DCTN3: variants seen among roughly 807,000 people sequenced by gnomAD.
DCTN3 encodes dynactin 3 (p22).
Under a neutral mutation model 28.4 loss-of-function variants are expected in DCTN3, and 25 were observed. That is an observed-to-expected ratio of 0.88 (90% CI 0.64 to 1.23). The LOEUF (loss-of-function observed/expected upper bound fraction) is 1.23, where lower values mean the gene tolerates loss of function less well. Among genes scored for constraint, DCTN3 ranks in the 50% most tolerant of loss-of-function variants. The pLI, the probability that DCTN3 is intolerant of heterozygous loss-of-function variation, is 0.00. For missense variants in DCTN3, 229 were observed against 232.0 expected (o/e 0.99, Z 0.08); for synonymous variants, 81 against 91.4 (o/e 0.89, Z 0.65).
rs1473794141 is a variant in DCTN3, at chr9:34,618,683, G to A, written c.174C>T (p.Tyr58=). Residue 58 remains tyrosine (Y), a synonymous_variant, in exon 2 of 7, where the codon TAC becomes TAT. Coordinates refer to ENST00000259632, the MANE Select transcript of DCTN3 (RefSeq NM_007234.5). ...CATCATGGAAGCACTTACTCTTTTT[G>A]TAGAGAATCTTCACCCTCTCCCTCT... The part of the protein sequence containing the change: ...SSKRERVKIL[Y]KKIEDLIKYL... 11 of 1,613,674 alleles carry A rather than the reference G, an allele frequency of 6.8e-6. No individual in the cohort carries two copies. The highest frequency in any genetic ancestry group is 1.7e-5 in the Admixed American group (1 of 59,988).
chr9:34,618,786 C>T, intron 1 of DCTN3, 26 bp from the exon 2 acceptor site: 1 of 1,568,810 alleles, frequency 6.4e-7, no homozygotes, highest in Non-Finnish European at 8.8e-7. Context: ...TGGTTAATTC[C>T]AAGATATACT....
In DCTN3 at chr9:34,613,806, C is replaced by A. The variant is rs1802447; in HGVS notation, c.537G>T (p.Thr179=). The A allele has an allele frequency of 6.2e-6, 10 of 1,614,028 alleles. No homozygotes were observed. Among genetic ancestry groups the A allele is most frequent in the Non-Finnish European group, 7.6e-6 (9 of 1,179,946 alleles). Residue 179 remains threonine, a synonymous_variant, in exon 7 of 7, where the codon ACG becomes ACT. Transcript: ENST00000259632. The part of the protein sequence containing the change: ...DELLCQLEAA[T]QVKPAEE ...ATCACTCCTCTGCTGGCTTCACTTG[C>A]GTGGCGGCCTCTAGCTGGCAAAGTA...
Position 34,614,869 on chromosome 9 carries a change from G to A in DCTN3, c.353-101C>T, listed in dbSNP as rs535035323. 9.8e-4 allele frequency: 1,408 copies of A among 1,443,280 alleles called. 1 individual carries two copies. Among genetic ancestry groups the A allele is most frequent in the Non-Finnish European group, 1.2e-3 (1,290 of 1,043,608 alleles). 89.4% of individuals were successfully genotyped at this position (1,443,280 alleles called of 1,614,324 possible). On this transcript the variant is annotated intron_variant, in intron 4 of 6. Coordinates refer to ENST00000259632, the MANE Select transcript of DCTN3 (RefSeq NM_007234.5). ...TGGCAGGATTAGAGTATTGAGTGGAGAAGCTAAACAAACGCCAGACTTCAT... is the reference window on the plus strand; with the variant it reads ...TGGCAGGATTAGAGTATTGAGTGGAAAAGCTAAACAAACGCCAGACTTCAT...
intron 5 of DCTN3, 61 bp downstream of exon 5, chr9:34,614,649 G>T: frequency 6.3e-7 from 1 of 1,591,482 alleles, no homozygotes; most frequent in Non-Finnish European, 8.6e-7. Flanking sequence ...CAGGTGGCAT[G>T]AGTTGGGATG....
rs1820385943 is a variant in DCTN3, at chr9:34,614,790, G to A, written c.353-22C>T. Reference sequence around the variant, plus strand: ...ACGGCTGTAAAACACAACACACACTGCTGGATGATGCTTGTGCCCTCCCCC... The same window carrying A: ...ACGGCTGTAAAACACAACACACACTACTGGATGATGCTTGTGCCCTCCCCC... On this transcript the variant is annotated intron_variant, in intron 4 of 6. Transcript: ENST00000259632. 1.9e-6 allele frequency: 3 copies of A among 1,613,634 alleles called. No individual in the cohort carries two copies. In the East Asian group the frequency reaches 6.7e-5, roughly 36 times the overall value.
chr9:34,618,611 G>A (rs1261912015), intron 2 of DCTN3, 65 bp downstream of exon 2: 6 of 1,282,134 alleles, frequency 4.7e-6, no homozygotes, highest in Non-Finnish European at 6.8e-6. Flanking sequence ...GAAGGGCTAG[G>A]GCCAGGTACC....
In DCTN3 at chr9:34,614,036, G is replaced by A; in HGVS notation, c.471+6C>T. On this transcript the variant is annotated splice_donor_region_variant and intron_variant, in intron 6 of 6. Transcript: ENST00000259632. The stretch of plus-strand genomic sequence containing the variant: ...CATTAGGGTCCTAGTTGAGCAGAAA[G>A]GATACAGTCTTGTTGTATTCCTCCA... The A allele has an allele frequency of 6.2e-7, 1 of 1,608,278 alleles. No individual in the cohort carries two copies. The highest frequency in any genetic ancestry group is 1.1e-5 in the South Asian group (1 of 90,758).
At position 34,616,115 on chromosome 9, in the gene DCTN3, TA is replaced by T; in HGVS notation, c.269-3del. 1 of 1,613,644 alleles carries T rather than the reference TA, an allele frequency of 6.2e-7. No individual in the cohort carries two copies. The highest frequency in any genetic ancestry group is 1.7e-5 in the Admixed American group (1 of 59,996). ...CCTGGGAAAGGATAAACTGCTCCTCTAAAGCAAAAATGGACAAGATAGTTGC... is the reference window on the plus strand; with the variant it reads ...CCTGGGAAAGGATAAACTGCTCCTCTAAGCAAAAATGGACAAGATAGTTGC... On this transcript the variant is annotated splice_polypyrimidine_tract_variant and splice_region_variant and intron_variant, in intron 3 of 6. Coordinates refer to ENST00000259632, the MANE Select transcript of DCTN3 (RefSeq NM_007234.5). The surrounding 1 kb of genome is among the most constrained non-coding windows in gnomAD (Gnocchi z 4.7).
chr9:34,614,466 G>A (rs1820376263), intron 5 of DCTN3: 1 of 616,568 alleles, frequency 1.6e-6, no homozygotes, highest in Non-Finnish European at 2.8e-6. Context: ...GGAATTCTTG[G>A]GTACCTCCCA....
At chr9:34,619,391 A>G (rs924611536) in intron 1 of DCTN3, among the ~76,000 whole-genome samples, 1 of 152,262 alleles carries the variant, frequency 6.6e-6, no homozygotes, top group African/African-American at 2.4e-5. Flanking sequence ...ACATATTGAC[A>G]TGTAAATAGT....
At chr9:34,617,188 C>T (rs1343209400) in intron 3 of DCTN3, among the ~76,000 whole-genome samples, 1 of 152,174 alleles carries the variant, frequency 6.6e-6, no homozygotes, top group Non-Finnish European at 1.5e-5. Context: ...CTCAGTGCTG[C>T]ATTGCACTGA....
At position 34,617,929 on chromosome 9, in the gene DCTN3, C is replaced by A. The variant is rs766579110; in HGVS notation, c.224G>T (p.Arg75Leu). ...CTTAGAGGCATCAGGTATGGCAATG[C>A]GGTCGATGTACTCAGGATCCAGGTA... is the stretch of plus-strand genomic sequence containing the variant. ...IKYLDPEYID[R>L]IAIPDASKLQ... Residue 75 changes from arginine to leucine, a missense_variant, in exon 3 of 7, where the codon CGC (arginine) becomes CTC (leucine). Transcript: ENST00000259632. 19 of 1,613,818 alleles carry A rather than the reference C, an allele frequency of 1.2e-5. No homozygotes were observed. The East Asian group carries it at 3.6e-4, about 30-fold the overall frequency.
intron 4 of DCTN3, 53 bp downstream of exon 4, chr9:34,615,977 C>T (rs1034691398): frequency 1.4e-6 from 2 of 1,472,126 alleles, no homozygotes; most frequent in South Asian, 1.1e-5. Flanking sequence ...CTTGCCCATC[C>T]ATCCACCTAC....
intron 5 of DCTN3, 50 bp from the exon 6 acceptor site, chr9:34,614,151 T>G: frequency 6.2e-7 from 1 of 1,613,930 alleles, no homozygotes. Flanking sequence ...AGCCCACATC[T>G]TCCACTAAAC....
intron 2 of DCTN3, 23 bp downstream of exon 2, chr9:34,618,653 A>G (rs748874888): frequency 5.0e-6 from 8 of 1,595,764 alleles, no homozygotes; most frequent in Non-Finnish European, 6.9e-6. Flanking sequence ...TCGGGCAGGC[A>G]GGCACATCAT....
Position 34,614,698 on chromosome 9 carries a change from C to A in DCTN3, c.411+12G>T, listed in dbSNP as rs982650951. ...CCTCCATCTTCGCTTCTAGTCATCT[C>A]CCCTCCCATACCTGCTGCTGAATGT... is the stretch of plus-strand genomic sequence containing the variant. On this transcript the variant is annotated intron_variant, in intron 5 of 6. Coordinates refer to ENST00000259632, the MANE Select transcript of DCTN3 (RefSeq NM_007234.5). 3.3e-5 allele frequency: 54 copies of A among 1,613,894 alleles called. No homozygotes were observed. The highest frequency in any genetic ancestry group is 4.0e-5 in the Non-Finnish European group (47 of 1,180,024).
At chr9:34,614,857 G>T (rs961618538) in intron 4 of DCTN3, 89 bp from the exon 5 acceptor site, 34 of 1,506,410 alleles carry the variant, frequency 2.3e-5, no homozygotes, top group Non-Finnish European at 3.0e-5. Flanking sequence ...CAGGATTAGA[G>T]TATTGAGTGG....
chr9:34,620,249 T>G, intron 1 of DCTN3, 120 bp downstream of exon 1: 2 of 902,366 alleles, frequency 2.2e-6, no homozygotes, highest in South Asian at 1.5e-5. Context: ...GTCCCGGACC[T>G]TTGTTATTTC....
At position 34,620,385 on chromosome 9, in the gene DCTN3, G is replaced by C; in HGVS notation, c.80C>G (p.Ala27Gly). 6.2e-7 allele frequency: 1 copy of C among 1,601,878 alleles called. No individual in the cohort carries two copies. Among genetic ancestry groups the C allele is most frequent in the Non-Finnish European group, 8.5e-7 (1 of 1,174,874 alleles). Residue 27 changes from alanine to glycine, a missense_variant, in exon 1 of 7, where the codon GCG becomes GGG. Transcript: ENST00000259632. ...ACTACTCACCTTCCGTGAGCCGCGC[G>C]CCCCGCCCGGCCCGTACACCCAGCG... ...LERWVYGPGG[A>G]RGSRKVADGL...
Sources: gnomAD v4.1 joint callset for allele counts (sites outside exome capture counted in the v4.1 genomes callset) on GRCh38, gnomAD v4.1.1 for gene constraint, Gnocchi (gnomAD v3.1) non-coding constraint, MANE v1.5 for transcripts, NCBI Gene and HGNC (gene_info 2026-07-23, HGNC 2026-07-21) for gene names.